Variants in TMC1 observed in about 807,000 individuals in gnomAD.
The protein encoded by TMC1 is transmembrane channel like 1, also known as transmembrane channel-like protein 1.
In TMC1, 84 loss-of-function variants were observed where a neutral mutation model predicts 105.8. The observed-to-expected ratio is 0.79, with a 90% CI of 0.67 to 0.95. TMC1 has a LOEUF of 0.95. Among genes scored for constraint, TMC1 ranks in the 40% least tolerant of loss-of-function variants. The pLI, the probability that TMC1 is intolerant of heterozygous loss-of-function variation, is 0.00. For missense variants in TMC1, 817 were observed against 914.1 expected (o/e 0.89, Z 1.37); for synonymous variants, 315 against 311.5 (o/e 1.01, Z -0.12).
chr9:72,802,152 G>A (rs1393834787), intron 17 of TMC1, among the ~76,000 whole-genome samples: 1 of 152,086 alleles, frequency 6.6e-6, no homozygotes, highest in East Asian at 1.9e-4. Context: ...CAGCTACTCA[G>A]GTGGCTGAGA....
At chr9:72,546,625 T>G (rs919870226) in intron 1 of TMC1, among the ~76,000 whole-genome samples, 1 of 152,232 alleles carries the variant, frequency 6.6e-6, no homozygotes, top group Admixed American at 6.5e-5. Context: ...GCACTGATCT[T>G]CAAGAAAAAA....
rs2118318929 is a variant in TMC1 at position 72,826,920 on chromosome 9, C to T, written c.2055C>T (p.Phe685=). The T allele has an allele frequency of 2.5e-6, 4 of 1,614,082 alleles. No homozygotes were observed. Among genetic ancestry groups the T allele is most frequent in the Non-Finnish European group, 3.4e-6 (4 of 1,179,966 alleles). The change falls in exon 21 of 24, where the codon TTC becomes TTT. Residue 685 remains phenylalanine (F), a synonymous_variant. Coordinates refer to ENST00000297784, the MANE Select transcript of TMC1 (RefSeq NM_138691.3). ...EVIGETLEHD[F]PSWMAKILRQ... The stretch of plus-strand genomic sequence containing the variant: ...TTGGAGAGACCCTGGAGCACGATTT[C>T]CCAAGCTGGATGGCGAAGATCTTGA...
At chr9:72,746,056 T>A (rs892961643) in intron 10 of TMC1, among the ~76,000 whole-genome samples, 1 of 152,228 alleles carries the variant, frequency 6.6e-6, no homozygotes, top group African/African-American at 2.4e-5. Context: ...AAGAGGGGAC[T>A]ATATAATTGC....
intron 18 of TMC1, among the ~76,000 whole-genome samples, chr9:72,807,660 T>C (rs1828627565): frequency 6.6e-6 from 1 of 152,204 alleles, no homozygotes; most frequent in Non-Finnish European, 1.5e-5. Context: ...CTGGATACTA[T>C]CATATGCCAG....
At chr9:72,720,768 T>C (rs150336840) in intron 8 of TMC1, among the ~76,000 whole-genome samples, 4 of 152,328 alleles carry the variant, frequency 2.6e-5, no homozygotes, top group African/African-American at 9.6e-5. Context: ...GTCAGGATAA[T>C]GATTTGGTCT....
intron 23 of TMC1, 56 bp downstream of exon 23, chr9:72,830,738 C>CTTTTTTT (rs71495342): frequency 3.5e-6 from 4 of 1,148,130 alleles, no homozygotes; most frequent in Non-Finnish European, 2.4e-6. Context: ...CTTTTTCTTT[C>CTTTTTTT]TTTTTTTTTT....
At chr9:72,623,051 C>CAAAAA (rs10644935) in intron 3 of TMC1, among the ~76,000 whole-genome samples, 1 of 129,286 alleles carries the variant, frequency 7.7e-6, no homozygotes, top group African/African-American at 2.8e-5. Flanking sequence ...GACTCCATCT[C>CAAAAA]AAAAAAAAAA....
chr9:72,654,972 T>C (rs1003130906), intron 5 of TMC1, among the ~76,000 whole-genome samples: 1 of 152,206 alleles, frequency 6.6e-6, no homozygotes, highest in Non-Finnish European at 1.5e-5. Context: ...ACATATGATA[T>C]GGTTTGGCCC....
At chr9:72,835,364 T>G (rs536963911) in intron 23 of TMC1, among the ~76,000 whole-genome samples, 13,102 of 152,246 alleles carry the variant, frequency 0.086, 677 homozygotes, top group Non-Finnish European at 0.13. Flanking sequence ...GAGAATTTAT[T>G]AGAATTGTTT....
chr9:72,544,787 C>CTTTTTT (rs57958313), intron 1 of TMC1, among the ~76,000 whole-genome samples: 63 of 143,046 alleles, frequency 4.4e-4, no homozygotes, highest in African/African-American at 1.5e-3. Context: ...GCCTTTTTAC[C>CTTTTTT]TTTTTTTTTT....
chr9:72,731,333 A>G (rs1199113179), intron 8 of TMC1, among the ~76,000 whole-genome samples: 2 of 152,224 alleles, frequency 1.3e-5, no homozygotes, highest in African/African-American at 4.8e-5. Flanking sequence ...AGGTTAAGTC[A>G]CACTACCTAG....
chr9:72,685,509 G>A (rs1407660948), intron 5 of TMC1, among the ~76,000 whole-genome samples: 3 of 151,788 alleles, frequency 2.0e-5, no homozygotes, highest in African/African-American at 4.8e-5. Context: ...GATTACAGGC[G>A]CCTGCCACCA....
At chr9:72,834,750 G>T (rs756971990) in intron 23 of TMC1, among the ~76,000 whole-genome samples, 1 of 152,074 alleles carries the variant, frequency 6.6e-6, no homozygotes, top group Non-Finnish European at 1.5e-5. Context: ...TCTTCTGCCA[G>T]ATTAAAGGTA....
chr9:72,777,609 G>A (rs1828026365), intron 13 of TMC1, among the ~76,000 whole-genome samples: 1 of 152,162 alleles, frequency 6.6e-6, no homozygotes, highest in African/African-American at 2.4e-5. Flanking sequence ...AACGAGGTAT[G>A]AAAGACATGA....
intron 8 of TMC1, among the ~76,000 whole-genome samples, chr9:72,723,223 T>C (rs1827060120): frequency 1.3e-5 from 2 of 152,216 alleles, no homozygotes; most frequent in African/African-American, 2.4e-5. Flanking sequence ...TTTTGTTTTA[T>C]ATGACTTTTG....
At chr9:72,553,824 A>G (rs1449067557) in intron 1 of TMC1, among the ~76,000 whole-genome samples, 1 of 152,088 alleles carries the variant, frequency 6.6e-6, no homozygotes, top group Non-Finnish European at 1.5e-5. Flanking sequence ...AGCCATCTCA[A>G]TTCATCCTTT....
At chr9:72,607,002 T>TAG (rs57741839) in intron 2 of TMC1, among the ~76,000 whole-genome samples, 2,502 of 134,920 alleles carry the variant, frequency 0.019, 38 homozygotes, top group African/African-American at 0.04. Context: ...TATATATATA[T>TAG]AGAGAGAGAG....
chr9:72,630,931 C>T (rs938250601), intron 4 of TMC1, among the ~76,000 whole-genome samples: 3 of 150,064 alleles, frequency 2.0e-5, no homozygotes, highest in East Asian at 2.0e-4. Flanking sequence ...TGCAGTGGAA[C>T]GATCTTGGCT....
At chr9:72,589,812 C>A (rs1179025898) in intron 2 of TMC1, among the ~76,000 whole-genome samples, 2 of 152,176 alleles carry the variant, frequency 1.3e-5, no homozygotes, top group Non-Finnish European at 2.9e-5. Context: ...TTAGATGGAA[C>A]TTCTTCATTT....
Sources: allele counts gnomAD v4.1 joint callset (sites outside exome capture counted in the v4.1 genomes callset), GRCh38; gene constraint gnomAD v4.1.1; transcripts MANE v1.5; gene names NCBI Gene and HGNC (gene_info 2026-07-23, HGNC 2026-07-21).